POU6F2: variants seen among roughly 807,000 people sequenced by gnomAD.
POU6F2 encodes the protein POU class 6 homeobox 2.
A neutral mutation model predicts 71.3 loss-of-function variants in POU6F2; 31 were observed. The ratio of observed to expected loss-of-function variants is 0.43; its 90% CI spans 0.33 to 0.59. The LOEUF (loss-of-function observed/expected upper bound fraction) is 0.59. POU6F2 is among the 20% of genes least tolerant of loss of function. POU6F2 has a pLI of 0.04. For missense variants in POU6F2, 783 were observed against 856.8 expected (o/e 0.91, Z 1.07); for synonymous variants, 347 against 355.7 (o/e 0.98, Z 0.27).
intron 2 of POU6F2, among the ~76,000 whole-genome samples, chr7:39,112,066 A>G (rs1448712325): frequency 6.6e-6 from 1 of 152,154 alleles, no homozygotes; most frequent in Admixed American, 6.5e-5. Context: ...GATAGTTGCT[A>G]TAGATGGGAT....
At chr7:39,451,485 C>T in intron 7 of POU6F2, 48 bp from the exon 8 acceptor site, 4 of 1,525,272 alleles carry the variant, frequency 2.6e-6, no homozygotes, top group Non-Finnish European at 3.6e-6. Context: ...GCATTTTTCC[C>T]CTAATTTTTC....
chr7:39,249,700 A>G (rs1783880562), intron 4 of POU6F2, among the ~76,000 whole-genome samples: 1 of 152,156 alleles, frequency 6.6e-6, no homozygotes, highest in Non-Finnish European at 1.5e-5. Context: ...ATTGTTATCA[A>G]AAAATAATCC....
chr7:39,135,463 C>T (rs1792371582), intron 2 of POU6F2, among the ~76,000 whole-genome samples: 1 of 151,916 alleles, frequency 6.6e-6, no homozygotes, highest in African/African-American at 2.4e-5. Context: ...TCAAAAGTAC[C>T]TTAGAATGAC....
chr7:39,314,754 A>G (rs1363576889), intron 4 of POU6F2, among the ~76,000 whole-genome samples: 1 of 152,222 alleles, frequency 6.6e-6, no homozygotes, highest in African/African-American at 2.4e-5. Flanking sequence ...ACATGAAGTA[A>G]ACTCTAGCAA....
intron 4 of POU6F2, among the ~76,000 whole-genome samples, chr7:39,309,386 A>AG (rs1225397117): frequency 6.6e-6 from 1 of 152,200 alleles, no homozygotes; most frequent in Non-Finnish European, 1.5e-5. Flanking sequence ...AGTAGAGAAG[A>AG]GGCAGGGTAG....
At chr7:39,458,102 T>C (rs1788848477) in intron 8 of POU6F2, among the ~76,000 whole-genome samples, 1 of 144,114 alleles carries the variant, frequency 6.9e-6, no homozygotes, top group Non-Finnish European at 1.5e-5. Flanking sequence ...ACCACACCAT[T>C]GTACTAAGAC....
intron 5 of POU6F2, among the ~76,000 whole-genome samples, chr7:39,369,398 G>C (rs994390361): frequency 6.6e-6 from 1 of 151,056 alleles, no homozygotes; most frequent in Non-Finnish European, 1.5e-5. Context: ...GTCTGGCTCT[G>C]TTGCCCAGGC....
At chr7:39,440,388 T>G (rs1788370724) in intron 7 of POU6F2, among the ~76,000 whole-genome samples, 1 of 152,196 alleles carries the variant, frequency 6.6e-6, no homozygotes. Flanking sequence ...TTCCTTTTCT[T>G]TCTTTTTTTC....
intron 4 of POU6F2, among the ~76,000 whole-genome samples, chr7:39,221,291 AT>A (rs944535931): frequency 7.9e-5 from 12 of 151,006 alleles, no homozygotes; most frequent in African/African-American, 2.9e-4. Flanking sequence ...GAGACAACAC[AT>A]TTTGTAGGCT....
chr7:39,320,468 ATT>A (rs749814261), intron 4 of POU6F2, among the ~76,000 whole-genome samples: 1 of 151,946 alleles, frequency 6.6e-6, no homozygotes, highest in Non-Finnish European at 1.5e-5. Context: ...TAAAGGGTAC[ATT>A]TTTTTTATCA....
intron 4 of POU6F2, among the ~76,000 whole-genome samples, chr7:39,323,625 G>A (rs1785444974): frequency 6.6e-6 from 1 of 152,054 alleles, no homozygotes; most frequent in Admixed American, 6.6e-5. Context: ...TGAGCACTAT[G>A]GTTTAATTCC....
intron 6 of POU6F2, among the ~76,000 whole-genome samples, chr7:39,426,337 C>T (rs1787970957): frequency 6.6e-6 from 1 of 152,162 alleles, no homozygotes; most frequent in Admixed American, 6.5e-5. Context: ...TTCCAGCTGC[C>T]CCTTTCCTGC....
intron 4 of POU6F2, among the ~76,000 whole-genome samples, chr7:39,298,920 A>G (rs891460143): frequency 2.0e-5 from 3 of 151,990 alleles, no homozygotes; most frequent in Non-Finnish European, 4.4e-5. Flanking sequence ...AAAACCAAAC[A>G]CCACATGTTC....
At chr7:39,222,065 G>A (rs1047255771) in intron 4 of POU6F2, among the ~76,000 whole-genome samples, 1 of 152,082 alleles carries the variant, frequency 6.6e-6, no homozygotes, top group African/African-American at 2.4e-5. Flanking sequence ...CTGAATAAAA[G>A]CCTAGGCATC....
At chr7:39,439,408 T>C (rs1435729574) in intron 7 of POU6F2, among the ~76,000 whole-genome samples, 2 of 152,232 alleles carry the variant, frequency 1.3e-5, no homozygotes, top group African/African-American at 2.4e-5. Context: ...ATCGTGCTGC[T>C]ATTTTGTTAT....
intron 1 of POU6F2, among the ~76,000 whole-genome samples, chr7:38,996,695 A>C (rs898850175): frequency 4.6e-5 from 7 of 152,322 alleles, no homozygotes; most frequent in South Asian, 4.1e-4. Flanking sequence ...ACTGTGTGCC[A>C]GACTGTTCTA....
intron 7 of POU6F2, 59 bp downstream of exon 7, chr7:39,433,342 C>A: frequency 6.4e-7 from 1 of 1,573,888 alleles, no homozygotes; most frequent in East Asian, 2.3e-5. Context: ...CCAGCTTCTC[C>A]TCTTTGGTCT....
At chr7:39,446,982 G>T (rs948402202) in intron 7 of POU6F2, among the ~76,000 whole-genome samples, 3 of 152,132 alleles carry the variant, frequency 2.0e-5, no homozygotes, top group African/African-American at 7.2e-5. Flanking sequence ...CATATAAAGA[G>T]GATACAATAC....
chr7:39,184,404 T>C (rs969518313), intron 2 of POU6F2, among the ~76,000 whole-genome samples: 1 of 152,192 alleles, frequency 6.6e-6, no homozygotes, highest in Non-Finnish European at 1.5e-5. Context: ...AAAAATAATC[T>C]ACTAACTCCA....
Sources: gnomAD v4.1 joint callset for allele counts (sites outside exome capture counted in the v4.1 genomes callset) on GRCh38, gnomAD v4.1.1 for gene constraint, MANE v1.5 for transcripts, NCBI Gene and HGNC (gene_info 2026-07-23, HGNC 2026-07-21) for gene names.